Variants in TIAM1 observed in about 807,000 individuals in gnomAD.
TIAM1 encodes rho guanine nucleotide exchange factor TIAM1.
In TIAM1, 65 loss-of-function variants were observed where a neutral mutation model predicts 163.5. The ratio of observed to expected loss-of-function variants is 0.40; its 90% CI spans 0.33 to 0.49. The LOEUF (loss-of-function observed/expected upper bound fraction) is 0.49, where lower values mean the gene tolerates loss of function less well. Among genes scored for constraint, TIAM1 ranks in the 20% least tolerant of loss-of-function variants. The pLI is 0.77. For synonymous variants in TIAM1, 833 were observed against 810.1 expected (o/e 1.03, Z -0.48); for missense variants, 1,789 against 2,044.7 (o/e 0.87, Z 2.41).
At chr21:31,548,132 C>CTTTTT (rs553946414) in intron 1 of TIAM1, among the ~76,000 whole-genome samples, 16 of 74,992 alleles carry the variant, frequency 2.1e-4, no homozygotes, top group Non-Finnish European at 3.1e-4. Context: ...TTATTTGTGT[C>CTTTTT]TTTTTTTTTT....
intron 2 of TIAM1, among the ~76,000 whole-genome samples, chr21:31,425,532 C>A (rs935214841): frequency 6.6e-6 from 1 of 151,246 alleles, no homozygotes; most frequent in East Asian, 1.9e-4. Flanking sequence ...TTTAGTTGGT[C>A]TGCAATTACG....
intron 2 of TIAM1, among the ~76,000 whole-genome samples, chr21:31,303,820 A>T (rs2074593116): frequency 6.6e-6 from 1 of 152,100 alleles, no homozygotes; most frequent in Admixed American, 6.5e-5. Context: ...TCTACTAAAA[A>T]TACAAAAATT....
chr21:31,333,473 C>T (rs845949), intron 2 of TIAM1, among the ~76,000 whole-genome samples: 48,675 of 151,824 alleles, frequency 0.32, 8,350 homozygotes, highest in East Asian at 0.48. Context: ...GGTCTGGCTC[C>T]GTCTCCCAGG....
intron 1 of TIAM1, among the ~76,000 whole-genome samples, chr21:31,522,846 T>G (rs2047651484): frequency 6.6e-6 from 1 of 152,244 alleles, no homozygotes; most frequent in African/African-American, 2.4e-5. Context: ...CAACATTTTT[T>G]TCTCATATCT....
At chr21:31,383,662 T>C (rs150760114) in intron 2 of TIAM1, among the ~76,000 whole-genome samples, 1 of 152,330 alleles carries the variant, frequency 6.6e-6, no homozygotes, top group East Asian at 1.9e-4. Context: ...TGTATCTACA[T>C]GGGACTACAG....
In TIAM1 at chr21:31,165,050, C is replaced by G; in HGVS notation, c.2903G>C (p.Ser968Thr). 1 of 1,613,970 alleles carries G rather than the reference C, an allele frequency of 6.2e-7. No individual in the cohort carries two copies. Among genetic ancestry groups the G allele is most frequent in the Non-Finnish European group, 8.5e-7 (1 of 1,180,032 alleles). ...GGTCTCAGCACTGCTGCCCTGCTCG[C>G]TGCAAAGGCTGTGCCCTGTCAGATG... ...LTSNPGHSLCSEQGSSAETAP... is the reference protein window; with the variant it reads ...LTSNPGHSLCTEQGSSAETAP... The change falls in exon 16 of 28, where the codon AGC becomes ACC. Residue 968 changes from serine to threonine, a missense_variant. Transcript: ENST00000541036.
At chr21:31,533,897 G>A (rs1050529443) in intron 1 of TIAM1, among the ~76,000 whole-genome samples, 1 of 152,188 alleles carries the variant, frequency 6.6e-6, no homozygotes, top group African/African-American at 2.4e-5. Context: ...TGATGGAAAT[G>A]TGCGGACAGG....
At chr21:31,391,265 T>C (rs2076960265) in intron 2 of TIAM1, among the ~76,000 whole-genome samples, 1 of 152,132 alleles carries the variant, frequency 6.6e-6, no homozygotes. Flanking sequence ...TTCCCTACCT[T>C]ACGTTCCCAC....
intron 23 of TIAM1, 145 bp downstream of exon 23, chr21:31,135,788 T>C: frequency 1.4e-6 from 1 of 714,432 alleles, no homozygotes; most frequent in South Asian, 1.8e-5. Flanking sequence ...GTTTGTGAGA[T>C]GTTGGTGGCT....
chr21:31,129,567 G>A (rs1490043848), intron 25 of TIAM1, among the ~76,000 whole-genome samples: 1 of 152,140 alleles, frequency 6.6e-6, no homozygotes, highest in Non-Finnish European at 1.5e-5. Context: ...GTAGTCCCAG[G>A]TACTTGGAAA....
intron 1 of TIAM1, among the ~76,000 whole-genome samples, chr21:31,507,604 C>T (rs150702768): frequency 0.016 from 2,465 of 152,144 alleles, 37 homozygotes; most frequent in South Asian, 0.042. Context: ...TTATTCAGCA[C>T]CAATTATATG....
intron 1 of TIAM1, among the ~76,000 whole-genome samples, chr21:31,481,603 T>C (rs1372225661): frequency 1.3e-5 from 2 of 152,144 alleles, no homozygotes; most frequent in African/African-American, 2.4e-5. Context: ...AATAATTTGC[T>C]ACAATGGCTG....
At chr21:31,351,631 C>T (rs2076235705) in intron 2 of TIAM1, among the ~76,000 whole-genome samples, 1 of 152,164 alleles carries the variant, frequency 6.6e-6, no homozygotes, top group South Asian at 2.1e-4. Flanking sequence ...AGCCAGCGTC[C>T]TCCCAAACAA....
At position 31,443,021 on chromosome 21, in the gene TIAM1, C is replaced by T. The variant is rs144285482; in HGVS notation, c.-369+20962G>A. On this transcript the variant is annotated intron_variant, in intron 2 of 28. Transcript: ENST00000286827. ...AATGCGGCTCCTATGTACATGTTAC[C>T]CAGGATTGAAAGCAACTTTGAACTG... is the stretch of plus-strand genomic sequence containing the variant. Among the ~76,000 whole-genome samples the T allele has an allele frequency of 2.2e-3, 342 of 152,236 alleles. 1 individual carries two copies. Among genetic ancestry groups the T allele is most frequent in the African/African-American group, 7.9e-3 (327 of 41,532 alleles).
At chr21:31,553,375 C>G (rs559869203) in intron 1 of TIAM1, among the ~76,000 whole-genome samples, 7 of 152,288 alleles carry the variant, frequency 4.6e-5, no homozygotes, top group South Asian at 4.1e-4. Flanking sequence ...GATGCACATT[C>G]TGCAAGAAGG....
intron 6 of TIAM1, among the ~76,000 whole-genome samples, chr21:31,227,496 G>A (rs2088056796): frequency 6.6e-6 from 1 of 152,170 alleles, no homozygotes; most frequent in South Asian, 2.1e-4. Flanking sequence ...TATTTTGCCT[G>A]TGGATAAACA....
intron 2 of TIAM1, among the ~76,000 whole-genome samples, chr21:31,458,639 T>C (rs1301000980): frequency 6.6e-6 from 1 of 152,102 alleles, no homozygotes; most frequent in Non-Finnish European, 1.5e-5. Context: ...AATGGGCACC[T>C]GCATCCTTGG....
chr21:31,367,247 T>C (rs2076519313), intron 2 of TIAM1, among the ~76,000 whole-genome samples: 1 of 152,048 alleles, frequency 6.6e-6, no homozygotes, highest in South Asian at 2.1e-4. Context: ...CCAGCAGTCT[T>C]TCAGTTGCAA....
chr21:31,141,331 G>A lies in TIAM1; in HGVS notation c.3649C>T (p.Leu1217=). 1.2e-6 allele frequency: 2 copies of A among 1,614,158 alleles called. No homozygotes were observed. Among genetic ancestry groups the A allele is most frequent in the Non-Finnish European group, 1.7e-6 (2 of 1,180,006 alleles). ...GTCCCAGGCCGAGGCCTACCGTCCA[G>A]GTGGTAGTGCTCCTCGCTCTCCGCA... The part of the protein sequence containing the change: ...TDAESEEHYH[L]DVAIKTMNKV... The change falls in exon 21 of 28, where the codon CTG becomes TTG. Residue 1217 remains leucine (L), a synonymous_variant. Coordinates refer to ENST00000541036, the MANE Select transcript of TIAM1 (RefSeq NM_001353694.2). This position sits in a 1 kb window ranked among gnomAD's most constrained non-coding sequence, Gnocchi z 4.7.
Sources: allele counts gnomAD v4.1 joint callset (sites outside exome capture counted in the v4.1 genomes callset), GRCh38; gene constraint gnomAD v4.1.1; non-coding constraint Gnocchi (gnomAD v3.1); transcripts MANE v1.5; gene names NCBI Gene and HGNC (gene_info 2026-07-23, HGNC 2026-07-21).